The following PNPLA3 variants were observed in gnomAD, a reference collection of about 807,000 sequenced individuals.
PNPLA3 encodes the protein patatin like domain 3, 1-acylglycerol-3-phosphate O-acyltransferase.
Under a neutral mutation model 43.1 loss-of-function variants are expected in PNPLA3, and 42 were observed. The ratio of observed to expected loss-of-function variants is 0.97; its 90% CI spans 0.76 to 1.26. PNPLA3 has a LOEUF of 1.26. PNPLA3 is among the 50% of genes most tolerant of loss of function. The pLI is 0.00. For synonymous variants in PNPLA3, 272 were observed against 253.6 expected, an observed-to-expected ratio of 1.07 and a Z score of -0.69; for missense variants, 647 against 621.4, an observed-to-expected ratio of 1.04 and a Z score of -0.44.
intron 5 of PNPLA3, 89 bp downstream of exon 5, chr22:43,934,755 A>C: frequency 7.9e-7 from 1 of 1,266,954 alleles, no homozygotes; most frequent in Non-Finnish European, 1.2e-6. Flanking sequence ...CCTTAGTTCT[A>C]ACACTTAGTG....
intron 3 of PNPLA3, among the ~76,000 whole-genome samples, chr22:43,930,899 G>A (rs939916069): frequency 6.6e-6 from 1 of 152,168 alleles, no homozygotes; most frequent in African/African-American, 2.4e-5. Flanking sequence ...GCCGAGGTGG[G>A]TGGATCATGA....
Position 43,927,414 on chromosome 22 carries a change from C to T in PNPLA3, c.420+247C>T, listed in dbSNP as rs139663621. On this transcript the variant is annotated intron_variant, in intron 2 of 8. Transcript: ENST00000216180. ...GGCTGAGGCAGGAGAATTGCTTGAG[C>T]CTGGGAGGTGGAGGTTGCAGTAAGT... Among the ~76,000 whole-genome samples, 58 of 151,784 alleles carry T rather than the reference C, an allele frequency of 3.8e-4. 1 individual carries two copies. The East Asian group carries it at 0.01, about 26-fold the overall frequency.
intron 3 of PNPLA3, 115 bp downstream of exon 3, chr22:43,929,004 GC>G (rs2049944107): frequency 2.8e-6 from 3 of 1,061,610 alleles, no homozygotes; most frequent in Non-Finnish European, 2.9e-6. Flanking sequence ...CCATGGTGGA[GC>G]CCCATGCCTC....
At chr22:43,924,273 T>G in intron 1 of PNPLA3, 175 bp downstream of exon 1, 1 of 799,374 alleles carries the variant, frequency 1.3e-6, no homozygotes, top group South Asian at 2.3e-5. Context: ...GGGGCGCTGT[T>G]CCTGGGCCCG....
chr22:43,942,677 T>TCCTTC (rs1459211743), intron 7 of PNPLA3, among the ~76,000 whole-genome samples: 1 of 151,528 alleles, frequency 6.6e-6, no homozygotes, highest in Non-Finnish European at 1.5e-5. Flanking sequence ...TTTCTGTTAT[T>TCCTTC]CCTTCCCTTC....
intron 2 of PNPLA3, among the ~76,000 whole-genome samples, chr22:43,928,327 C>T (rs1221850244): frequency 2.0e-5 from 3 of 152,310 alleles, no homozygotes; most frequent in Middle Eastern, 3.4e-3. Flanking sequence ...CACAGTGCTT[C>T]GCAAAGTGTG....
chr22:43,927,233 T>A (rs1319618033), intron 2 of PNPLA3, 66 bp downstream of exon 2: 13 of 1,438,764 alleles, frequency 9.0e-6, no homozygotes, highest in African/African-American at 1.4e-5. Context: ...GTGTGGTGGC[T>A]CATGCCTGTC....
intron 3 of PNPLA3, among the ~76,000 whole-genome samples, chr22:43,930,131 CATT>C (rs2049952753): frequency 6.6e-6 from 1 of 152,194 alleles, no homozygotes; most frequent in Non-Finnish European, 1.5e-5. Context: ...AGGAGCCTCC[CATT>C]ACAGACTACG....
rs766160368 is a variant in PNPLA3 at position 43,937,209 on chromosome 22, C to T, written c.916C>T (p.Arg306Cys). The T allele has an allele frequency of 6.2e-6, 10 of 1,614,056 alleles. No homozygotes were observed. Among genetic ancestry groups the T allele is most frequent in the African/African-American group, 4.0e-5 (3 of 74,934 alleles). Reference protein sequence around the residue: ...LEGDELLDHLRLSILPWDESI... With the variant: ...LEGDELLDHLCLSILPWDESI... ...GGGAGATGAGCTGCTAGACCACCTG[C>T]GTCTCAGCATCCTGCCCTGGGATGA... Residue 306 changes from arginine (R) to cysteine (C), a missense_variant, in exon 6 of 9, where the codon CGT becomes TGT. Arg to Cys is a radical substitution (Grantham distance 180, BLOSUM62 -3). Transcript: ENST00000216180.
rs1569011834 is a variant in PNPLA3 at position 43,933,048 on chromosome 22, C to CTACCTTCTCTCGAGAGCTT, written c.659_677dup (p.Phe226LeufsTer53). 6.2e-7 allele frequency: 1 copy of CTACCTTCTCTCGAGAGCTT among 1,614,178 alleles called. No individual in the cohort carries two copies. The highest frequency in any genetic ancestry group is 1.7e-5 in the Admixed American group (1 of 60,030). ...GTCTACGCCTCTGCACAGGGAACCT[C>CTACCTTCTCTCGAGAGCTT]TACCTTCTCTCGAGAGCTTTTGTCC... is the stretch of plus-strand genomic sequence containing the variant. On this transcript the variant is annotated frameshift_variant, in exon 4 of 9. Transcript: ENST00000216180. LOFTEE classifies it high-confidence loss of function.
Position 43,946,374 on chromosome 22 carries a change from A to C in PNPLA3, c.1438A>C (p.Ser480Arg). Reference sequence around the variant, plus strand: ...CTTTCCCAGTTTTTCACTAGAGAAGAGTCTGTGAGTCACTTGAGGAGGCGA... The same window carrying C: ...CTTTCCCAGTTTTTCACTAGAGAAGCGTCTGTGAGTCACTTGAGGAGGCGA... Reference protein sequence around the residue: ...STFPSFSLEKSL With the variant: ...STFPSFSLEKRL The change falls in exon 9 of 9, where the codon AGT becomes CGT. Residue 480 changes from serine (S) to arginine (R), a missense_variant. Ser to Arg is a moderately radical substitution (Grantham distance 110, BLOSUM62 -1). Coordinates refer to ENST00000216180, the MANE Select transcript of PNPLA3 (RefSeq NM_025225.3). The C allele has an allele frequency of 6.2e-7, 1 of 1,613,832 alleles. No individual in the cohort carries two copies. The highest frequency in any genetic ancestry group is 8.5e-7 in the Non-Finnish European group (1 of 1,179,750).
chr22:43,947,416 C>G lies in PNPLA3; in HGVS notation c.*1034C>G, dbSNP rs920983333. 3 of 156,236 alleles carry G rather than the reference C, an allele frequency of 1.9e-5. No homozygotes were observed. Among genetic ancestry groups the G allele is most frequent in the Non-Finnish European group, 4.2e-5 (3 of 70,980 alleles). 9.7% of individuals were successfully genotyped at this position (156,236 alleles called of 1,614,324 possible). A position where few individuals can be genotyped will look rare whatever the true frequency, so the allele number is the denominator to read the frequency against. On this transcript the variant is annotated 3_prime_UTR_variant, in exon 9 of 9. Coordinates refer to ENST00000216180, the MANE Select transcript of PNPLA3 (RefSeq NM_025225.3). ...TAGTGTGCAGGGCATTCACCTCAGC[C>G]CCCCAGGCAGGAGCCAAGCACAGCA...
intron 3 of PNPLA3, 22 bp downstream of exon 3, chr22:43,928,911 G>A (rs1201336228): frequency 6.3e-7 from 1 of 1,594,618 alleles, no homozygotes; most frequent in Non-Finnish European, 8.6e-7. Flanking sequence ...TTCTCTGCTA[G>A]CGCTGAGTCC....
Position 43,946,975 on chromosome 22 carries a change from G to A in PNPLA3, c.*593G>A. On this transcript the variant is annotated 3_prime_UTR_variant, in exon 9 of 9. Coordinates refer to ENST00000216180, the MANE Select transcript of PNPLA3 (RefSeq NM_025225.3). ...TCACCTAACTAAAATAATGTTTAAA[G>A]AGTTTTGTATAAAAATGTAAGGAAG... 3.4e-6 allele frequency: 1 copy of A among 294,588 alleles called. No homozygotes were observed. Among genetic ancestry groups the A allele is most frequent in the South Asian group, 3.1e-5 (1 of 32,652 alleles). The allele number at this position is 294,588 out of a possible 1,614,324, so 18.2% of individuals were successfully genotyped here. A position where few individuals can be genotyped will look rare whatever the true frequency, so the allele number is the denominator to read the frequency against.
Position 43,926,982 on chromosome 22 carries a change from C to G in PNPLA3, c.235C>G (p.Arg79Gly). The change falls in exon 2 of 9, where the codon CGG (arginine) becomes GGG (glycine). Residue 79 changes from arginine to glycine, a missense_variant. By Grantham distance (125) the Arg-to-Gly change is moderately radical. Transcript: ENST00000216180. ...LSDLVRKARS[R>G]NIGIFHPSFN... ...AGATCTTGTGCGGAAGGCCAGGAGT[C>G]GGAACATTGGCATCTTCCATCCATC... is the stretch of plus-strand genomic sequence containing the variant. 1 of 1,614,192 alleles carries G rather than the reference C, an allele frequency of 6.2e-7. No homozygotes were observed. Among genetic ancestry groups the G allele is most frequent in the South Asian group, 1.1e-5 (1 of 91,066 alleles).
At chr22:43,944,832 G>A in intron 8 of PNPLA3, 37 bp downstream of exon 8, 2 of 1,543,796 alleles carry the variant, frequency 1.3e-6, no homozygotes, top group Non-Finnish European at 1.8e-6. Flanking sequence ...GGCCGGACGG[G>A]CACCTCTCTC....
intron 6 of PNPLA3, among the ~76,000 whole-genome samples, chr22:43,937,761 T>C (rs1291683241): frequency 1.3e-5 from 2 of 152,132 alleles, no homozygotes; most frequent in African/African-American, 4.8e-5. Flanking sequence ...CCTCTCCTAA[T>C]TTCTCCCTTC....
intron 1 of PNPLA3, chr22:43,924,437 C>A (rs942543078): frequency 4.2e-4 from 119 of 286,094 alleles, no homozygotes; most frequent in Middle Eastern, 1.9e-3. Context: ...GAGTAGGGAG[C>A]GGGACCCGGG....
At chr22:43,925,047 G>C (rs2049912920) in intron 1 of PNPLA3, among the ~76,000 whole-genome samples, 1 of 151,916 alleles carries the variant, frequency 6.6e-6, no homozygotes, top group Admixed American at 6.5e-5. Context: ...CTGGAGTCTA[G>C]TGGGGAGGGG....
Sources: gnomAD v4.1 joint callset for allele counts (sites outside exome capture counted in the v4.1 genomes callset) on GRCh38, gnomAD v4.1.1 for gene constraint, MANE v1.5 for transcripts, NCBI Gene and HGNC (gene_info 2026-07-23, HGNC 2026-07-21) for gene names.